Variants in ABRA observed in about 807,000 individuals in gnomAD.
The protein encoded by ABRA is actin-binding Rho-activating protein.
ABRA carries 25 observed loss-of-function variants against 33.4 expected under a neutral mutation model. The ratio of observed to expected loss-of-function variants is 0.75; its 90% CI spans 0.55 to 1.04. The LOEUF is 1.04. Among genes scored for constraint, ABRA ranks in the 50% least tolerant of loss-of-function variants. ABRA has a pLI of 0.00. For missense variants in ABRA, 501 were observed against 491.7 expected (o/e 1.02, Z -0.18); for synonymous variants, 193 against 176.8 (o/e 1.09, Z -0.73).
intron 1 of ABRA, among the ~76,000 whole-genome samples, chr8:106,768,896 C>T (rs1380750957): frequency 6.6e-6 from 1 of 152,154 alleles, no homozygotes; most frequent in Non-Finnish European, 1.5e-5. Context: ...CTCAGCCTCC[C>T]AAAGTGCTGA....
At chr8:106,766,540 C>A (rs995984515) in intron 1 of ABRA, among the ~76,000 whole-genome samples, 1 of 152,142 alleles carries the variant, frequency 6.6e-6, no homozygotes, top group Non-Finnish European at 1.5e-5. Flanking sequence ...CAAAAATTCC[C>A]ATGAGGCTTC....
intron 1 of ABRA, among the ~76,000 whole-genome samples, chr8:106,762,773 T>C (rs1836156407): frequency 6.6e-6 from 1 of 152,184 alleles, no homozygotes; most frequent in African/African-American, 2.4e-5. Flanking sequence ...CATTTTTCTA[T>C]GCAACAAACT....
chr8:106,762,652 G>A (rs777867585), intron 1 of ABRA, among the ~76,000 whole-genome samples: 3 of 152,008 alleles, frequency 2.0e-5, no homozygotes, highest in Admixed American at 6.6e-5. Context: ...AGCACACACC[G>A]GGGCCTGTTG....
In ABRA at chr8:106,770,216, A is replaced by G. The variant is rs376287087; in HGVS notation, c.-26T>C. ...GCTGCCCACCTGTCTTTCTCTGCTG[A>G]TAGCCTGGACACTGGCTAAAATGAG... On this transcript the variant is annotated 5_prime_UTR_variant, in exon 1 of 2. Transcript: ENST00000311955. 3.8e-6 allele frequency: 6 copies of G among 1,583,638 alleles called. No homozygotes were observed. The African/African-American group carries it at 6.7e-5, about 18-fold the overall frequency.
Position 106,769,627 on chromosome 8 carries a change from G to A in ABRA, c.564C>T (p.Ser188=), listed in dbSNP as rs770028905. Residue 188 remains serine (S), a synonymous_variant, in exon 1 of 2, where the codon AGC becomes AGT. Coordinates refer to ENST00000311955, the MANE Select transcript of ABRA (RefSeq NM_139166.5). The part of the protein sequence containing the change: ...EQEEPTWRSD[S]VDTEDSGYGG... ...CATAGCCGCTGTCCTCTGTGTCTAC[G>A]CTGTCACTCCTCCATGTGGGCTCCT... 25 of 1,614,000 alleles carry A rather than the reference G, an allele frequency of 1.5e-5. No individual in the cohort carries two copies. Among genetic ancestry groups the A allele is most frequent in the South Asian group, 3.3e-5 (3 of 91,080 alleles).
In ABRA at chr8:106,761,508, G is replaced by A. The variant is rs188043956; in HGVS notation, c.675C>T (p.Asn225=). 1 of 1,612,176 alleles carries A rather than the reference G, an allele frequency of 6.2e-7. No homozygotes were observed. Among genetic ancestry groups the A allele is most frequent in the Admixed American group, 1.7e-5 (1 of 59,876 alleles). Reference sequence around the variant, plus strand: ...TGCAGTTGAGTTTCTCTGTAAATCTGTTTACCCTAAAGTAGAGAGAGGGTG... The same window carrying A: ...TGCAGTTGAGTTTCTCTGTAAATCTATTTACCCTAAAGTAGAGAGAGGGTG... ...RIKRPLPSQV[N]RFTEKLNCKA... Residue 225 remains asparagine (N), a synonymous_variant, in exon 2 of 2, where the codon AAC becomes AAT. Transcript: ENST00000311955.
At chr8:106,762,609 T>C (rs1446889383) in intron 1 of ABRA, among the ~76,000 whole-genome samples, 1 of 151,978 alleles carries the variant, frequency 6.6e-6, no homozygotes, top group African/African-American at 2.4e-5. Context: ...TGGGAGCTGA[T>C]CTATGAGAAC....
intron 1 of ABRA, among the ~76,000 whole-genome samples, chr8:106,764,872 A>G (rs1398932425): frequency 6.6e-6 from 1 of 151,058 alleles, no homozygotes; most frequent in Non-Finnish European, 1.5e-5. Context: ...TCTCTATTTT[A>G]TAAACATTCT....
Position 106,760,211 on chromosome 8 carries a change from A to G in ABRA, c.*826T>C, listed in dbSNP as rs1489735532. The G allele has an allele frequency of 1.6e-4, 24 of 152,238 alleles. No individual in the cohort carries two copies. The allele number at this position is 152,238 out of a possible 1,614,324, so 9.4% of individuals were successfully genotyped here. On this transcript the variant is annotated 3_prime_UTR_variant, in exon 2 of 2. Transcript: ENST00000311955. ...AGTCCTACAAAGGCAAGTAAATCTG[A>G]ATCTCTCACCTCTGCTCTACTTTTA...
At chr8:106,761,696 T>C (rs1836143320) in intron 1 of ABRA, among the ~76,000 whole-genome samples, 182 bp from the exon 2 acceptor site, 1 of 152,232 alleles carries the variant, frequency 6.6e-6, no homozygotes, top group African/African-American at 2.4e-5. Context: ...CCCACCGTTG[T>C]TCTTAGTTTG....
rs1810577072 is a variant in ABRA, at chr8:106,769,730, T to C, written c.461A>G (p.His154Arg). 6.2e-7 allele frequency: 1 copy of C among 1,614,046 alleles called. No individual in the cohort carries two copies. Residue 154 changes from histidine (H) to arginine (R), a missense_variant, in exon 1 of 2, where the codon CAC becomes CGC. Transcript: ENST00000311955. The stretch of plus-strand genomic sequence containing the variant: ...TTTTCTCCTCCGCGTTGGGGAGCCG[T>C]GGCTGTGGAGGATTCTGTCAATGTC... The part of the protein sequence containing the change: ...ENDIDRILHS[H>R]GSPTRRRKCA...
Position 106,761,019 on chromosome 8 carries a change from G to C in ABRA, c.*18C>G. On this transcript the variant is annotated 3_prime_UTR_variant, in exon 2 of 2. Coordinates refer to ENST00000311955, the MANE Select transcript of ABRA (RefSeq NM_139166.5). The stretch of plus-strand genomic sequence containing the variant: ...TTAAGACCATAGTGGGCCAAATTTG[G>C]CTTTTGTTTTTGAAGGTTCACTTGA... The C allele has an allele frequency of 6.2e-7, 1 of 1,601,128 alleles. No individual in the cohort carries two copies. The highest frequency in any genetic ancestry group is 8.5e-7 in the Non-Finnish European group (1 of 1,170,548).
At position 106,760,822 on chromosome 8, in the gene ABRA, T is replaced by G. The variant is rs1836124094; in HGVS notation, c.*215A>C. ...CAACTATTAATACTATTATTATACA[T>G]TAACATTCTATGTGCTTTCTGAAAT... On this transcript the variant is annotated 3_prime_UTR_variant, in exon 2 of 2. Transcript: ENST00000311955. 3.5e-6 allele frequency: 2 copies of G among 567,240 alleles called. No individual in the cohort carries two copies. The highest frequency in any genetic ancestry group is 4.6e-5 in the South Asian group (2 of 43,318). The allele number at this position is 567,240 out of a possible 1,614,324, so 35.1% of individuals were successfully genotyped here. A position where few individuals can be genotyped will look rare whatever the true frequency, so the allele number is the denominator to read the frequency against.
chr8:106,762,803 G>A (rs1358880635), intron 1 of ABRA, among the ~76,000 whole-genome samples: 2 of 152,122 alleles, frequency 1.3e-5, no homozygotes, highest in South Asian at 2.1e-4. Flanking sequence ...TATCCTGCAC[G>A]TGTATCCCAG....
At chr8:106,767,963 T>C (rs1810529026) in intron 1 of ABRA, among the ~76,000 whole-genome samples, 1 of 151,974 alleles carries the variant, frequency 6.6e-6, no homozygotes, top group South Asian at 2.1e-4. Context: ...GGCGTGGTGG[T>C]GTGCACCTGT....
chr8:106,766,505 A>G (rs933103621), intron 1 of ABRA, among the ~76,000 whole-genome samples: 16 of 152,164 alleles, frequency 1.1e-4, no homozygotes, highest in African/African-American at 3.6e-4. Flanking sequence ...TCATTTCTCA[A>G]GCAATATTTG....
At position 106,761,010 on chromosome 8, in the gene ABRA, C is replaced by T. The variant is rs757868138; in HGVS notation, c.*27G>A. 10 of 1,595,390 alleles carry T rather than the reference C, an allele frequency of 6.3e-6. No individual in the cohort carries two copies. The East Asian group carries it at 2.0e-4, about 32-fold the overall frequency. ...CATTTAGCATTAAGACCATAGTGGG[C>T]CAAATTTGGCTTTTGTTTTTGAAGG... On this transcript the variant is annotated 3_prime_UTR_variant, in exon 2 of 2. Transcript: ENST00000311955.
intron 1 of ABRA, among the ~76,000 whole-genome samples, chr8:106,761,838 T>C (rs1046075870): frequency 3.3e-5 from 5 of 152,180 alleles, no homozygotes; most frequent in African/African-American, 4.8e-5. Flanking sequence ...AAGTTGAGTA[T>C]TGGTAACATT....
rs1836138200 is a variant in ABRA at position 106,761,420 on chromosome 8, C to T, written c.763G>A (p.Glu255Lys). ...TTGAGCTTCTGGGATTGTATGTGTT[C>T]ATCAGCCCACTGCTGCCATCTCCCT... Reference protein sequence around the residue: ...LKGRWQQWADEHIQSQKLNPF... With the variant: ...LKGRWQQWADKHIQSQKLNPF... The change falls in exon 2 of 2, where the codon GAA becomes AAA. Residue 255 changes from glutamate to lysine, a missense_variant. Physicochemically the swap from Glu to Lys is moderately conservative, Grantham distance 56. Coordinates refer to ENST00000311955, the MANE Select transcript of ABRA (RefSeq NM_139166.5). The T allele has an allele frequency of 6.2e-7, 1 of 1,614,202 alleles. No individual in the cohort carries two copies. The highest frequency in any genetic ancestry group is 8.5e-7 in the Non-Finnish European group (1 of 1,180,038).
Sources: allele counts gnomAD v4.1 joint callset (sites outside exome capture counted in the v4.1 genomes callset), GRCh38; gene constraint gnomAD v4.1.1; transcripts MANE v1.5; gene names NCBI Gene and HGNC (gene_info 2026-07-23, HGNC 2026-07-21).